Variants in PDE10A observed in about 807,000 individuals in gnomAD.
PDE10A encodes cAMP and cAMP-inhibited cGMP 3',5'-cyclic phosphodiesterase 10A.
A neutral mutation model predicts 97.7 loss-of-function variants in PDE10A; 39 were observed. That is an observed-to-expected ratio of 0.40 (90% confidence interval 0.31 to 0.52). The LOEUF (loss-of-function observed/expected upper bound fraction) is 0.52. Among genes scored for constraint, PDE10A ranks in the 20% least tolerant of loss-of-function variants. The pLI is 0.56. For synonymous variants in PDE10A, 371 were observed against 376.8 expected (o/e 0.98, Z 0.18); for missense variants, 731 against 1,047.8 (o/e 0.70, Z 4.17).
intron 1 of PDE10A, among the ~76,000 whole-genome samples, chr6:165,675,068 G>C (rs949229643): frequency 6.6e-6 from 1 of 152,220 alleles, no homozygotes; most frequent in Non-Finnish European, 1.5e-5. Context: ...TTAGTGATGA[G>C]AAGGAGGTGA....
intron 1 of PDE10A, among the ~76,000 whole-genome samples, chr6:165,574,663 T>G (rs1003101598): frequency 1.3e-5 from 2 of 152,184 alleles, no homozygotes; most frequent in South Asian, 4.1e-4. Context: ...AAATAAGAGT[T>G]TTACTTACTA....
At chr6:165,659,119 G>A (rs2128430006) in intron 1 of PDE10A, among the ~76,000 whole-genome samples, 1 of 152,274 alleles carries the variant, frequency 6.6e-6, no homozygotes, top group Middle Eastern at 3.4e-3. Flanking sequence ...AAAACGCAGA[G>A]CTAAAATGGA....
At chr6:165,674,805 A>G (rs371641473) in intron 1 of PDE10A, among the ~76,000 whole-genome samples, 25 of 152,194 alleles carry the variant, frequency 1.6e-4, no homozygotes, top group African/African-American at 6.0e-4. Flanking sequence ...CTTCCGGCAT[A>G]AACTTCCAGT....
intron 10 of PDE10A, among the ~76,000 whole-genome samples, chr6:165,420,865 C>T (rs970129125): frequency 2.6e-5 from 4 of 152,092 alleles, no homozygotes; most frequent in South Asian, 2.1e-4. Flanking sequence ...CAGAAAAGAA[C>T]AATTTTTTCC....
intron 1 of PDE10A, among the ~76,000 whole-genome samples, chr6:165,700,406 T>C (rs1397780897): frequency 1.3e-5 from 2 of 152,220 alleles, no homozygotes; most frequent in African/African-American, 4.8e-5. Flanking sequence ...GTTGCATATA[T>C]CCATGAATAT....
chr6:165,810,519 T>A (rs756141146), intron 1 of PDE10A, among the ~76,000 whole-genome samples: 2 of 152,172 alleles, frequency 1.3e-5, no homozygotes, highest in Non-Finnish European at 2.9e-5. Context: ...TCCCTGTCCA[T>A]AATTCCTAAC....
intron 1 of PDE10A, chr6:165,781,455 C>A (rs1321854914): frequency 6.6e-6 from 1 of 152,246 alleles, no homozygotes; most frequent in Non-Finnish European, 1.5e-5. Flanking sequence ...TACACACCAA[C>A]TAACTGCCAC....
intron 2 of PDE10A, among the ~76,000 whole-genome samples, chr6:165,537,978 C>T (rs371193440): frequency 6.6e-6 from 1 of 151,824 alleles, no homozygotes; most frequent in Non-Finnish European, 1.5e-5. Context: ...CTTCCAACAC[C>T]GAATGTTTTG....
At chr6:165,766,471 C>A (rs564730901) in intron 1 of PDE10A, among the ~76,000 whole-genome samples, 8 of 152,320 alleles carry the variant, frequency 5.3e-5, no homozygotes, top group African/African-American at 1.9e-4. Flanking sequence ...TTGAAAACCT[C>A]CATACAAAGT....
intron 1 of PDE10A, among the ~76,000 whole-genome samples, chr6:165,938,757 A>G (rs577698561): frequency 7.3e-4 from 111 of 151,324 alleles, no homozygotes; most frequent in Admixed American, 1.4e-3. Context: ...CAAAAACAAA[A>G]CAACACACAC....
intron 20 of PDE10A, among the ~76,000 whole-genome samples, chr6:165,337,468 C>T (rs1051895832): frequency 5.3e-5 from 8 of 152,214 alleles, no homozygotes; most frequent in Non-Finnish European, 7.3e-5. Context: ...ACTAGAATAG[C>T]GCCTGTGTTA....
At chr6:165,790,381 G>C (rs1382271482) in intron 1 of PDE10A, among the ~76,000 whole-genome samples, 2 of 152,156 alleles carry the variant, frequency 1.3e-5, no homozygotes, top group Non-Finnish European at 2.9e-5. Flanking sequence ...CCTGAAAACA[G>C]CGGTGCTCTG....
At chr6:165,558,296 C>T (rs1784357572) in intron 1 of PDE10A, among the ~76,000 whole-genome samples, 2 of 152,140 alleles carry the variant, frequency 1.3e-5, no homozygotes, top group Admixed American at 1.3e-4. Context: ...GAGTTCATGT[C>T]CTTTGTAGGG....
chr6:165,358,235 T>A (rs1783157857), intron 18 of PDE10A, among the ~76,000 whole-genome samples: 1 of 152,122 alleles, frequency 6.6e-6, no homozygotes, highest in Non-Finnish European at 1.5e-5. Context: ...GTCGTTTAGA[T>A]CTCTGTTAGC....
chr6:165,726,467 G>A (rs985297734), intron 1 of PDE10A, among the ~76,000 whole-genome samples: 2 of 152,156 alleles, frequency 1.3e-5, no homozygotes, highest in Admixed American at 6.5e-5. Flanking sequence ...ATGACTGCCC[G>A]GATGACAGAA....
At chr6:165,399,165 G>A (rs951554752) in intron 13 of PDE10A, among the ~76,000 whole-genome samples, 3 of 152,068 alleles carry the variant, frequency 2.0e-5, no homozygotes, top group Non-Finnish European at 4.4e-5. Context: ...GATAGTTTTG[G>A]TATACATGAA....
At chr6:165,501,120 G>A (rs959865133) in intron 2 of PDE10A, among the ~76,000 whole-genome samples, 1 of 152,118 alleles carries the variant, frequency 6.6e-6, no homozygotes, top group Non-Finnish European at 1.5e-5. Flanking sequence ...TCCACATGCT[G>A]AGCGCCGGTA....
chr6:165,843,280 AT>A (rs1780312765), intron 1 of PDE10A, among the ~76,000 whole-genome samples: 1 of 152,148 alleles, frequency 6.6e-6, no homozygotes. Flanking sequence ...GGTGGAGTGG[AT>A]TCTGGACAGA....
intron 18 of PDE10A, among the ~76,000 whole-genome samples, chr6:165,376,635 C>T (rs1362533832): frequency 1.3e-5 from 2 of 152,326 alleles, no homozygotes; most frequent in East Asian, 3.9e-4. Context: ...CACATCCAGG[C>T]TGGGCACAGC....
Sources: allele counts gnomAD v4.1 joint callset (sites outside exome capture counted in the v4.1 genomes callset), GRCh38; gene constraint gnomAD v4.1.1; transcripts MANE v1.5; gene names NCBI Gene and HGNC (gene_info 2026-07-23, HGNC 2026-07-21).